ATR: variants seen among roughly 807,000 people sequenced by gnomAD.
ATR encodes serine/threonine-protein kinase ATR.
In ATR, 142 loss-of-function variants were observed where a neutral mutation model predicts 305.3. That is an observed-to-expected ratio of 0.47 (90% CI 0.41 to 0.53). The LOEUF (loss-of-function observed/expected upper bound fraction) is 0.53, where lower values mean the gene tolerates loss of function less well. Ranked by LOEUF, ATR falls within the 20% of genes least tolerant of loss-of-function variation. The probability of loss-of-function intolerance (pLI) is 0.00; values close to 1 mark genes in which losing one functional copy is unlikely to be tolerated. For missense variants in ATR, 2,135 were observed against 3,133.1 expected (o/e 0.68, Z 7.60); for synonymous variants, 1,050 against 1,068.1 (o/e 0.98, Z 0.33).
chr3:142,523,312 C>T (rs981484170), intron 22 of ATR, among the ~76,000 whole-genome samples: 25 of 151,922 alleles, frequency 1.6e-4, no homozygotes, highest in African/African-American at 5.1e-4. Flanking sequence ...CCCAGCTACT[C>T]GGGAGGCTGA....
chr3:142,471,415 T>G (rs2071262320), intron 36 of ATR, among the ~76,000 whole-genome samples: 1 of 152,204 alleles, frequency 6.6e-6, no homozygotes, highest in African/African-American at 2.4e-5. Context: ...TGAACACGAA[T>G]GTACAGATAT....
intron 16 of ATR, among the ~76,000 whole-genome samples, chr3:142,545,535 T>C (rs951432655): frequency 6.6e-6 from 1 of 152,142 alleles, no homozygotes; most frequent in South Asian, 2.1e-4. Flanking sequence ...GATTTTATTT[T>C]ATGTTAAGGG....
At chr3:142,561,474 A>G (rs2034876580) in intron 4 of ATR, 53 bp from the exon 5 acceptor site, 1 of 1,515,606 alleles carries the variant, frequency 6.6e-7, no homozygotes, top group Non-Finnish European at 9.0e-7. Flanking sequence ...ATATATTTAT[A>G]TTATTCATAG....
At chr3:142,509,924 T>C (rs975450992) in intron 27 of ATR, among the ~76,000 whole-genome samples, 2 of 152,192 alleles carry the variant, frequency 1.3e-5, no homozygotes, top group East Asian at 3.9e-4. Context: ...GGGACCACCC[T>C]GGGCAGTGTG....
intron 35 of ATR, among the ~76,000 whole-genome samples, chr3:142,492,543 T>A (rs1007643858): frequency 6.6e-6 from 1 of 152,196 alleles, no homozygotes; most frequent in African/African-American, 2.4e-5. Flanking sequence ...TTTCTTCTAC[T>A]TTTTTATTTC....
chr3:142,548,606 T>C (rs1355406354), intron 15 of ATR, among the ~76,000 whole-genome samples: 1 of 151,492 alleles, frequency 6.6e-6, no homozygotes, highest in East Asian at 1.9e-4. Context: ...GAGGTGGAGG[T>C]TGCAGTGAGC....
At chr3:142,479,474 G>C (rs183602234) in intron 36 of ATR, among the ~76,000 whole-genome samples, 283 of 152,264 alleles carry the variant, frequency 1.9e-3, no homozygotes, top group Non-Finnish European at 3.0e-3. Context: ...GTCTGATGGG[G>C]TTCCCTTTGT....
chr3:142,478,919 T>A (rs1182679867), intron 36 of ATR, among the ~76,000 whole-genome samples: 1 of 152,138 alleles, frequency 6.6e-6, no homozygotes, highest in Non-Finnish European at 1.5e-5. Flanking sequence ...AACCCCTGCC[T>A]TTTTTTGTTT....
At position 142,449,245 on chromosome 3, in the gene ATR, AAGC is replaced by A. The variant is rs1326136150; in HGVS notation, c.*181_*183del. On this transcript the variant is annotated 3_prime_UTR_variant, in exon 47 of 47. Transcript: ENST00000350721. ...TTATAATGCACAGTATGTATTAAGA[AAGC>A]AGTTTATTTCTTAATAACTGAATGT... is the stretch of plus-strand genomic sequence containing the variant. 5.1e-6 allele frequency: 3 copies of A among 593,454 alleles called. No homozygotes were observed. Among genetic ancestry groups the A allele is most frequent in the African/African-American group, 3.7e-5 (2 of 53,938 alleles). The allele number at this position is 593,454 out of a possible 1,614,324, so 36.8% of individuals were successfully genotyped here.
At chr3:142,501,240 T>C (rs111781937) in intron 30 of ATR, among the ~76,000 whole-genome samples, 70 of 152,064 alleles carry the variant, frequency 4.6e-4, no homozygotes, top group African/African-American at 1.6e-3. Flanking sequence ...GGAGTCTGAA[T>C]GTGTAGTCTA....
In ATR at chr3:142,561,334, G is replaced by A; in HGVS notation, c.1258C>T (p.Leu420Phe). ...EIQCQTQQEN[L>F]SSNSDGISPK... is the part of the protein sequence containing the mutation. ...GATATTCCATCACTATTACTGCTGAGGTTTTCCTGTTGAGTTTGGCATTGA... is the reference window on the plus strand; with the variant it reads ...GATATTCCATCACTATTACTGCTGAAGTTTTCCTGTTGAGTTTGGCATTGA... Residue 420 changes from leucine to phenylalanine, a missense_variant, in exon 5 of 47, where the codon CTC becomes TTC. Leu to Phe is a conservative substitution (Grantham distance 22). Transcript: ENST00000350721. 2 of 1,613,964 alleles carry A rather than the reference G, an allele frequency of 1.2e-6. No individual in the cohort carries two copies. Among genetic ancestry groups the A allele is most frequent in the Non-Finnish European group, 1.7e-6 (2 of 1,179,912 alleles).
chr3:142,575,213 CT>C (rs1410221464), intron 1 of ATR, among the ~76,000 whole-genome samples: 1 of 152,146 alleles, frequency 6.6e-6, no homozygotes, highest in African/African-American at 2.4e-5. Context: ...TCTTACTATC[CT>C]TTTAAAAGTA....
chr3:142,494,057 TA>T lies in ATR; in HGVS notation c.5899-747del, dbSNP rs112548387. On this transcript the variant is annotated intron_variant, in intron 34 of 46. Transcript: ENST00000350721. ...TCTCTCAAAACATAAAAATTTAAAT[TA>T]AAAAAAAAAAGAAATATTACAAAGA... Among the ~76,000 whole-genome samples the T allele has an allele frequency of 1.0e-2, 1,378 of 137,918 alleles. 23 individuals carry two copies. The highest frequency in any genetic ancestry group is 0.032 in the African/African-American group (1,221 of 37,702). The allele number at this position is 137,918 out of a possible 152,430, so 90.5% of individuals were successfully genotyped here. A position where few individuals can be genotyped will look rare whatever the true frequency, so the allele number is the denominator to read the frequency against.
chr3:142,549,511 C>T lies in ATR; in HGVS notation c.3139G>A (p.Asp1047Asn). Residue 1047 changes from aspartate to asparagine, a missense_variant, in exon 15 of 47, where the codon GAT becomes AAT. Around this residue, in one of 9 missense-constraint regions of ATR, gnomAD observed 530 missense variants for 766.8 expected, o/e 0.69. Coordinates refer to ENST00000350721, the MANE Select transcript of ATR (RefSeq NM_001184.4). ...FSHLVCSCSK[D>N]ELERALHYLK... ...TAATGAAGGGCACGTTCTAATTCAT[C>T]TTTGGAACAAGAACAGACCAAATGA... The T allele has an allele frequency of 1.2e-6, 2 of 1,604,758 alleles. No homozygotes were observed. The highest frequency in any genetic ancestry group is 1.7e-6 in the Non-Finnish European group (2 of 1,175,704).
rs530055118 is a variant in ATR at position 142,450,383 on chromosome 3, T to C, written c.7762-781A>G. ...GTGTTTAAGTTACTTTGCCAGACCT[T>C]TATCAAAATGGGGCTGCTGTCTTCT... On this transcript the variant is annotated intron_variant, in intron 46 of 46. Transcript: ENST00000350721. The C allele has an allele frequency of 5.9e-6, 9 of 1,531,200 alleles. 1 individual carries two copies. In the Admixed American group the frequency reaches 1.1e-4, roughly 18 times the overall value. The allele number at this position is 1,531,200 out of a possible 1,614,324, so 94.9% of individuals were successfully genotyped here.
chr3:142,531,007 C>T (rs551255031), intron 21 of ATR, among the ~76,000 whole-genome samples: 21 of 152,218 alleles, frequency 1.4e-4, no homozygotes, highest in Middle Eastern at 3.4e-3. Flanking sequence ...CAGAACGTAC[C>T]CGCTCTCAAC....
chr3:142,518,062 T>C (rs2032982943), intron 24 of ATR, among the ~76,000 whole-genome samples: 2 of 152,160 alleles, frequency 1.3e-5, no homozygotes, highest in South Asian at 2.1e-4. Flanking sequence ...CAATCAAACC[T>C]AAGCCTGTGT....
In ATR at chr3:142,553,635, T is replaced by G. The variant is rs759135672; in HGVS notation, c.2633+5A>C. Reference sequence around the variant, plus strand: ...AAGGAAGAACACAAATGCTGCCAAGTATACCTTCCAATATCCCCTGTTGTA... The same window carrying G: ...AAGGAAGAACACAAATGCTGCCAAGGATACCTTCCAATATCCCCTGTTGTA... On this transcript the variant is annotated splice_donor_5th_base_variant and intron_variant, in intron 12 of 46. Transcript: ENST00000350721. 6.3e-7 allele frequency: 1 copy of G among 1,596,072 alleles called. No homozygotes were observed. The highest frequency in any genetic ancestry group is 8.6e-7 in the Non-Finnish European group (1 of 1,164,746).
At chr3:142,485,084 A>G (rs996154100) in intron 36 of ATR, 56 bp downstream of exon 36, 1 of 1,601,384 alleles carries the variant, frequency 6.2e-7, no homozygotes, top group Non-Finnish European at 8.6e-7. Flanking sequence ...AACAGTTTCA[A>G]TATTAATAGT....
Sources: gnomAD v4.1 joint callset for allele counts (sites outside exome capture counted in the v4.1 genomes callset) on GRCh38, gnomAD v4.1.1 for gene constraint, gnomAD v4.1.1 regional missense constraint, MANE v1.5 for transcripts, NCBI Gene and HGNC (gene_info 2026-07-23, HGNC 2026-07-21) for gene names.